The following BANK1 variants were observed in gnomAD, a reference collection of about 807,000 sequenced individuals.
BANK1 encodes the protein B cell scaffold protein with ankyrin repeats 1.
A neutral mutation model predicts 94.5 loss-of-function variants in BANK1; 95 were observed. That is an observed-to-expected ratio of 1.00 (90% CI 0.85 to 1.19). The LOEUF (loss-of-function observed/expected upper bound fraction) is 1.19. Ranked by LOEUF, BANK1 falls within the 50% of genes most tolerant of loss-of-function variation. The probability of loss-of-function intolerance (pLI) is 0.00; values close to 1 mark genes in which losing one functional copy is unlikely to be tolerated. For missense variants in BANK1, 987 were observed against 932.2 expected (o/e 1.06, Z -0.77); for synonymous variants, 334 against 308.4 (o/e 1.08, Z -0.87).
intron 7 of BANK1, among the ~76,000 whole-genome samples, chr4:101,966,386 GACC>G (rs1724757838): frequency 6.6e-6 from 1 of 151,912 alleles, no homozygotes; most frequent in Non-Finnish European, 1.5e-5. Flanking sequence ...ATAATAGTTG[GACC>G]ACAAGTGTGT....
intron 5 of BANK1, among the ~76,000 whole-genome samples, chr4:101,893,283 C>T (rs1721941147): frequency 6.6e-6 from 1 of 151,948 alleles, no homozygotes; most frequent in African/African-American, 2.4e-5. Flanking sequence ...GTTTTGAATT[C>T]TCATCTGTGT....
rs771389312 is a variant in BANK1, at chr4:102,025,366, A to G, written c.1451A>G (p.Tyr484Cys). 13 of 1,614,060 alleles carry G rather than the reference A, an allele frequency of 8.1e-6. No homozygotes were observed. The highest frequency in any genetic ancestry group is 3.3e-5 in the Admixed American group (2 of 59,996). ...GGCAGTGAGAGTTCTGAAGACCAGT[A>G]TGATGACTTGTATGTGTTCATTCCT... ...EVGSESSEDQ[Y>C]DDLYVFIPGA... Residue 484 changes from tyrosine to cysteine, a missense_variant, in exon 9 of 17, where the codon TAT (tyrosine) becomes TGT (cysteine). Physicochemically the swap from Tyr to Cys is radical, Grantham distance 194. Transcript: ENST00000322953.
chr4:101,957,829 G>GT (rs917550705), intron 7 of BANK1, among the ~76,000 whole-genome samples: 8 of 141,204 alleles, frequency 5.7e-5, no homozygotes, highest in Non-Finnish European at 1.1e-4. Flanking sequence ...TTTGTTTTTT[G>GT]TTTTTTGTTT....
rs10559889 is a variant in BANK1 at position 102,002,544 on chromosome 4, TACACACACACACACACACACAC to T, written c.1207-18946_1207-18925del. On this transcript the variant is annotated intron_variant, in intron 7 of 16. Coordinates refer to ENST00000322953, the MANE Select transcript of BANK1 (RefSeq NM_017935.5). ...TGATGGTAGACAATATTAATACAAA[TACACACACACACACACACACAC>T]ACACACACACACACACACACACATA... Among the ~76,000 whole-genome samples, 570 of 148,128 alleles carry T rather than the reference TACACACACACACACACACACAC, an allele frequency of 3.8e-3. 29 individuals are homozygous for T. The South Asian group carries it at 0.1, about 27-fold the overall frequency.
intron 12 of BANK1, among the ~76,000 whole-genome samples, chr4:102,061,090 A>G (rs1423651647): frequency 6.6e-6 from 1 of 152,344 alleles, no homozygotes; most frequent in Admixed American, 6.5e-5. Flanking sequence ...CCATTGCTTC[A>G]GAACCCAGTT....
intron 1 of BANK1, among the ~76,000 whole-genome samples, chr4:101,797,062 T>C (rs551793167): frequency 5.0e-4 from 76 of 152,312 alleles, no homozygotes; most frequent in African/African-American, 1.7e-3. Context: ...ATTAGTCTTT[T>C]ACCAGCCTAT....
intron 10 of BANK1, among the ~76,000 whole-genome samples, chr4:102,033,576 A>G (rs1727401039): frequency 6.6e-6 from 1 of 152,242 alleles, no homozygotes; most frequent in South Asian, 2.1e-4. Context: ...ATGCACACGT[A>G]GAAACATTAA....
intron 5 of BANK1, among the ~76,000 whole-genome samples, chr4:101,891,808 T>C (rs1721884138): frequency 1.3e-5 from 2 of 152,100 alleles, no homozygotes; most frequent in African/African-American, 4.8e-5. Flanking sequence ...TTACTGTATT[T>C]TCAGTTCTAA....
chr4:101,861,479 T>G (rs140422195), intron 3 of BANK1, among the ~76,000 whole-genome samples: 1 of 152,302 alleles, frequency 6.6e-6, no homozygotes, highest in African/African-American at 2.4e-5. Flanking sequence ...TGAAGGGTGA[T>G]ATCTAAGATA....
chr4:101,917,934 T>G, intron 6 of BANK1, 59 bp from the exon 7 acceptor site: 1 of 1,316,220 alleles, frequency 7.6e-7, no homozygotes, highest in Non-Finnish European at 1.1e-6. Context: ...TGTTAGACCT[T>G]TTAATGAGAT....
Position 101,988,264 on chromosome 4 carries a change from A to G in BANK1, c.1207-33250A>G, listed in dbSNP as rs182412753. On this transcript the variant is annotated intron_variant, in intron 7 of 16. Transcript: ENST00000322953. The stretch of plus-strand genomic sequence containing the variant: ...TATGCTTTGTGAGTTTTCACAATAT[A>G]TGTTTTCTATAAATGTAAAGCATGA... Among the ~76,000 whole-genome samples the G allele has an allele frequency of 2.0e-5, 3 of 152,298 alleles. No homozygotes were observed. In the East Asian group the frequency reaches 5.8e-4, roughly 29 times the overall value.
intron 1 of BANK1, among the ~76,000 whole-genome samples, chr4:101,808,359 T>C (rs1387080727): frequency 6.6e-6 from 1 of 152,144 alleles, no homozygotes; most frequent in East Asian, 1.9e-4. Context: ...AGAGACATTC[T>C]TTCCAAGGGA....
At chr4:101,882,573 C>A (rs912964432) in intron 5 of BANK1, among the ~76,000 whole-genome samples, 15 of 152,302 alleles carry the variant, frequency 9.8e-5, no homozygotes, top group African/African-American at 3.6e-4. Flanking sequence ...AAAGTGGCTG[C>A]ATGGCATAGG....
At chr4:101,937,837 C>T (rs1723620635) in intron 7 of BANK1, among the ~76,000 whole-genome samples, 1 of 151,824 alleles carries the variant, frequency 6.6e-6, no homozygotes, top group Non-Finnish European at 1.5e-5. Context: ...TTTGAACCAA[C>T]CCAAATGCCC....
chr4:101,874,287 G>C (rs920022587), intron 5 of BANK1, among the ~76,000 whole-genome samples: 1 of 152,104 alleles, frequency 6.6e-6, no homozygotes, highest in African/African-American at 2.4e-5. Context: ...AACTCTCATC[G>C]TGAAGAACTT....
At position 101,830,211 on chromosome 4, in the gene BANK1, T is replaced by G; in HGVS notation, c.469+5T>G. 1 of 1,489,020 alleles carries G rather than the reference T, an allele frequency of 6.7e-7. No homozygotes were observed. The highest frequency in any genetic ancestry group is 8.9e-7 in the Non-Finnish European group (1 of 1,123,262). The allele number at this position is 1,489,020 out of a possible 1,614,324, so 92.2% of individuals were successfully genotyped here. A position where few individuals can be genotyped will look rare whatever the true frequency, so the allele number is the denominator to read the frequency against. ...TCCAGAGTATCATATTCAAAGGTAG[T>G]GTTGCCAAACCTTGTTTGTTTTATT... is the stretch of plus-strand genomic sequence containing the variant. On this transcript the variant is annotated splice_donor_5th_base_variant and intron_variant, in intron 2 of 16. Transcript: ENST00000322953.
intron 8 of BANK1, among the ~76,000 whole-genome samples, chr4:102,024,070 C>A (rs1407929017): frequency 2.6e-5 from 4 of 152,144 alleles, no homozygotes; most frequent in Non-Finnish European, 5.9e-5. Context: ...TATCTTTCTT[C>A]TTTCTCACAT....
intron 7 of BANK1, among the ~76,000 whole-genome samples, chr4:101,998,851 A>G (rs1725966564): frequency 6.6e-6 from 1 of 152,004 alleles, no homozygotes; most frequent in African/African-American, 2.4e-5. Flanking sequence ...GCCCTTGATT[A>G]TTAGTTGTCT....
At chr4:101,907,498 A>G (rs1237014020) in intron 6 of BANK1, among the ~76,000 whole-genome samples, 1 of 152,248 alleles carries the variant, frequency 6.6e-6, no homozygotes, top group Non-Finnish European at 1.5e-5. Context: ...CTGGCAAAAG[A>G]CAGGGATGCC....
Sources: allele counts gnomAD v4.1 joint callset (sites outside exome capture counted in the v4.1 genomes callset), GRCh38; gene constraint gnomAD v4.1.1; transcripts MANE v1.5; gene names NCBI Gene and HGNC (gene_info 2026-07-23, HGNC 2026-07-21).